SPATA16: variants seen among roughly 807,000 people sequenced by gnomAD.
SPATA16 encodes the protein spermatogenesis-associated protein 16.
In SPATA16, 36 loss-of-function variants were observed where a neutral mutation model predicts 63.3. The ratio of observed to expected loss-of-function variants is 0.57; its 90% confidence interval spans 0.44 to 0.75. SPATA16 has a LOEUF of 0.75. SPATA16 is among the 30% of genes least tolerant of loss of function. SPATA16 has a pLI of 0.00. For missense variants in SPATA16, 646 were observed against 679.3 expected (o/e 0.95, Z 0.54); for synonymous variants, 203 against 216.7 (o/e 0.94, Z 0.56).
chr3:172,991,611 G>A (rs13319918), intron 4 of SPATA16, among the ~76,000 whole-genome samples: 5,356 of 152,186 alleles, frequency 0.035, 325 homozygotes, highest in African/African-American at 0.12. Context: ...CGCTGAAATT[G>A]TGCTTTCCAA....
chr3:172,961,069 T>TCTTCCTTCCCTC (rs1553786402), intron 5 of SPATA16, among the ~76,000 whole-genome samples: 21 of 72,382 alleles, frequency 2.9e-4, no homozygotes, highest in African/African-American at 1.3e-3. Flanking sequence ...CTTTCTTCTT[T>TCTTCCTTCCCTC]CTTCCTTCCT....
In SPATA16 at chr3:173,122,587, T is replaced by C. The variant is rs895021683; in HGVS notation, c.-18-4838A>G. 3.3e-5 allele frequency among the ~76,000 whole-genome samples: 5 copies of C among 152,332 alleles called. No homozygotes were observed. In the East Asian group the frequency reaches 9.6e-4, roughly 29 times the overall value. Reference sequence around the variant, plus strand: ...CATTATGAGAAAAAAACACCTTGCTTGTTAGTCTACCAGTTCTTTTAAATG... The same window carrying C: ...CATTATGAGAAAAAAACACCTTGCTCGTTAGTCTACCAGTTCTTTTAAATG... On this transcript the variant is annotated intron_variant, in intron 1 of 10. Transcript: ENST00000351008.
chr3:173,039,849 CTG>C (rs1170828827), intron 3 of SPATA16, among the ~76,000 whole-genome samples: 1 of 151,980 alleles, frequency 6.6e-6, no homozygotes, highest in Non-Finnish European at 1.5e-5. Context: ...ATTGCAAGCT[CTG>C]TTATGAAAAA....
intron 2 of SPATA16, 113 bp downstream of exon 2, chr3:173,117,007 T>A: frequency 1.9e-6 from 2 of 1,079,628 alleles, no homozygotes; most frequent in Non-Finnish European, 2.8e-6. Flanking sequence ...TCATTACATA[T>A]CCTCACCTCA....
chr3:173,139,016 T>C (rs1383916871), intron 1 of SPATA16, among the ~76,000 whole-genome samples: 1 of 152,208 alleles, frequency 6.6e-6, no homozygotes, highest in Admixed American at 6.5e-5. Context: ...CCCCATCATA[T>C]AGGGATTTGG....
chr3:172,956,972 A>G (rs1733611959), intron 5 of SPATA16, 148 bp from the exon 6 acceptor site: 2 of 939,452 alleles, frequency 2.1e-6, no homozygotes, highest in Non-Finnish European at 3.2e-6. Flanking sequence ...TATTCATTAG[A>G]ACAAAATTTT....
intron 2 of SPATA16, among the ~76,000 whole-genome samples, chr3:173,056,338 T>G (rs955324441): frequency 3.3e-5 from 5 of 152,178 alleles, no homozygotes; most frequent in Non-Finnish European, 7.3e-5. Context: ...TACAAGTAAT[T>G]TTTTTCAAAA....
chr3:172,997,654 C>A (rs1734721869), intron 4 of SPATA16, among the ~76,000 whole-genome samples: 1 of 151,974 alleles, frequency 6.6e-6, no homozygotes, highest in Non-Finnish European at 1.5e-5. Context: ...ATTGTGACTT[C>A]AGTGTTGTAT....
intron 8 of SPATA16, among the ~76,000 whole-genome samples, chr3:172,918,249 A>G (rs1177359710): frequency 1.3e-5 from 2 of 152,212 alleles, no homozygotes; most frequent in Admixed American, 6.5e-5. Context: ...AAAATAAACA[A>G]TGGGGCTAGT....
chr3:172,971,990 C>T (rs1294859149), intron 5 of SPATA16, among the ~76,000 whole-genome samples: 1 of 152,152 alleles, frequency 6.6e-6, no homozygotes, highest in Non-Finnish European at 1.5e-5. Flanking sequence ...TATGGGCCGT[C>T]TTTGAGCATG....
At chr3:172,997,322 T>C (rs1203359060) in intron 4 of SPATA16, among the ~76,000 whole-genome samples, 1 of 152,094 alleles carries the variant, frequency 6.6e-6, no homozygotes, top group Non-Finnish European at 1.5e-5. Context: ...TGTGTAGTGG[T>C]TGGTATCTCA....
At chr3:173,074,912 C>T (rs1249857598) in intron 2 of SPATA16, among the ~76,000 whole-genome samples, 3 of 146,308 alleles carry the variant, frequency 2.1e-5, no homozygotes, top group East Asian at 2.0e-4. Flanking sequence ...GCAGGAGAAT[C>T]ACTGGAACCC....
intron 1 of SPATA16, among the ~76,000 whole-genome samples, chr3:173,127,324 C>T (rs1738251034): frequency 6.6e-6 from 1 of 152,166 alleles, no homozygotes; most frequent in Non-Finnish European, 1.5e-5. Flanking sequence ...GAGGATATTT[C>T]GTTACTGTAG....
Position 172,916,225 on chromosome 3 carries a change from C to T in SPATA16, c.1503+92G>A, listed in dbSNP as rs1732480495. On this transcript the variant is annotated intron_variant, in intron 9 of 10. Transcript: ENST00000351008. ...TTTGCCCTCAGGCTACATTTATTAC[C>T]ACAGGATTTTTTTTTTTTTTTTTCC... 6 of 1,422,314 alleles carry T rather than the reference C, an allele frequency of 4.2e-6. No homozygotes were observed. In the Admixed American group the frequency reaches 5.4e-5, roughly 13 times the overall value. 88.1% of individuals were successfully genotyped at this position (1,422,314 alleles called of 1,614,324 possible). A position where few individuals can be genotyped will look rare whatever the true frequency, so the allele number is the denominator to read the frequency against.
intron 6 of SPATA16, among the ~76,000 whole-genome samples, chr3:172,951,595 G>A (rs1186873686): frequency 6.6e-6 from 1 of 152,112 alleles, no homozygotes; most frequent in Non-Finnish European, 1.5e-5. Flanking sequence ...CCTGACAAGG[G>A]TGACTGTGAA....
rs770029879 is a variant in SPATA16, at chr3:172,925,395, A to G, written c.1179T>C (p.Asp393=). The G allele has an allele frequency of 6.8e-6, 11 of 1,614,020 alleles. No homozygotes were observed. In the Admixed American group the frequency reaches 1.2e-4, roughly 17 times the overall value. ...TTGATATTTTTTCCAAAAATTTTCC[A>G]TCATCTTTGTTTTTGAACCCAAGAG... The part of the protein sequence containing the change: ...LLTLGFKNKD[D]GKFLEKISSR... Residue 393 remains aspartate (D), a synonymous_variant, in exon 7 of 11, where the codon GAT becomes GAC. Coordinates refer to ENST00000351008, the MANE Select transcript of SPATA16 (RefSeq NM_031955.6).
intron 2 of SPATA16, among the ~76,000 whole-genome samples, chr3:173,057,838 A>G (rs924755381): frequency 6.6e-6 from 1 of 152,224 alleles, no homozygotes; most frequent in Non-Finnish European, 1.5e-5. Flanking sequence ...TTGTATTTTT[A>G]TGTCTTATTT....
At chr3:172,981,914 C>T (rs1002094816) in intron 4 of SPATA16, among the ~76,000 whole-genome samples, 5 of 152,174 alleles carry the variant, frequency 3.3e-5, no homozygotes, top group Admixed American at 6.5e-5. Context: ...TTTTGTGCAA[C>T]AATGGCAGAG....
At chr3:173,010,957 C>CA (rs1735059451) in intron 4 of SPATA16, among the ~76,000 whole-genome samples, 1 of 151,696 alleles carries the variant, frequency 6.6e-6, no homozygotes, top group Non-Finnish European at 1.5e-5. Flanking sequence ...ACCTACCAAC[C>CA]AAAAAAAGAC....
Sources: gnomAD v4.1 joint callset for allele counts (sites outside exome capture counted in the v4.1 genomes callset) on GRCh38, gnomAD v4.1.1 for gene constraint, MANE v1.5 for transcripts, NCBI Gene and HGNC (gene_info 2026-07-23, HGNC 2026-07-21) for gene names.